Variants in TMEM132C observed in about 807,000 individuals in gnomAD.
TMEM132C encodes the protein protein phosphatase 1, regulatory subunit 152.
TMEM132C carries 29 observed loss-of-function variants against 61.4 expected under a neutral mutation model. The observed-to-expected ratio is 0.47, with a 90% confidence interval of 0.35 to 0.64. The LOEUF is 0.64. Among genes scored for constraint, TMEM132C ranks in the 30% least tolerant of loss-of-function variants. TMEM132C has a pLI of 0.00. For missense variants in TMEM132C, 1,408 were observed against 1,476.9 expected, an observed-to-expected ratio of 0.95 and a Z score of 0.76; for synonymous variants, 656 against 633.1, an observed-to-expected ratio of 1.04 and a Z score of -0.54.
At chr12:128,663,166 T>G (rs1954410025) in intron 4 of TMEM132C, among the ~76,000 whole-genome samples, 1 of 152,232 alleles carries the variant, frequency 6.6e-6, no homozygotes, top group Non-Finnish European at 1.5e-5. Context: ...TTTGCAAGGT[T>G]ATGAACCATC....
intron 2 of TMEM132C, among the ~76,000 whole-genome samples, chr12:128,475,730 C>G (rs139425998): frequency 3.1e-4 from 47 of 152,300 alleles, no homozygotes; most frequent in African/African-American, 1.0e-3. Flanking sequence ...TTGCTGGTCC[C>G]TTCATCTGTG....
chr12:128,272,115 T>C (rs1363573649), intron 1 of TMEM132C, among the ~76,000 whole-genome samples: 25 of 152,220 alleles, frequency 1.6e-4, no homozygotes, highest in Admixed American at 1.6e-3. Context: ...CACAGTCACG[T>C]AAACATCACT....
At chr12:128,565,731 T>G (rs1874670840) in intron 3 of TMEM132C, among the ~76,000 whole-genome samples, 1 of 152,086 alleles carries the variant, frequency 6.6e-6, no homozygotes, top group African/African-American at 2.4e-5. Flanking sequence ...AAACAAATGG[T>G]ATTCTATCTC....
chr12:128,705,156 A>C lies in TMEM132C; in HGVS notation c.2188A>C (p.Thr730Pro). The C allele has an allele frequency of 6.4e-7, 1 of 1,551,480 alleles. No homozygotes were observed. The highest frequency in any genetic ancestry group is 8.7e-7 in the Non-Finnish European group (1 of 1,146,928). ...TGTGACGCCCCTGGACATCTACGAC[A>C]CCAAGGACTTCTCCCTGGCAGCCAC... ...GSVTPLDIYD[T>P]KDFSLAATSQ... Residue 730 changes from threonine (T) to proline (P), a missense_variant, in exon 9 of 9, where the codon ACC becomes CCC. By Grantham distance (38) the Thr-to-Pro change is conservative. Transcript: ENST00000435159.
At position 128,575,306 on chromosome 12, in the gene TMEM132C, C is replaced by T. The variant is rs146124545; in HGVS notation, c.1121+31203C>T. On this transcript the variant is annotated intron_variant, in intron 3 of 8. Transcript: ENST00000435159. ...CCATCCTGGCCACCATGGTGAAACC[C>T]CATCTCTACTGAAAATACAAAAATT... 4.8e-3 allele frequency among the ~76,000 whole-genome samples: 729 copies of T among 152,232 alleles called. 9 individuals are homozygous for T. Among genetic ancestry groups the T allele is most frequent in the African/African-American group, 0.017 (705 of 41,558 alleles).
At chr12:128,388,558 C>T (rs533778116) in intron 1 of TMEM132C, among the ~76,000 whole-genome samples, 1 of 152,210 alleles carries the variant, frequency 6.6e-6, no homozygotes, top group Admixed American at 6.5e-5. Flanking sequence ...GACTGCTTCC[C>T]TGGAGAAGGT....
intron 2 of TMEM132C, among the ~76,000 whole-genome samples, chr12:128,480,160 T>TCC (rs1402624648): frequency 6.6e-6 from 1 of 152,172 alleles, no homozygotes; most frequent in African/African-American, 2.4e-5. Flanking sequence ...CTCTGGAAGC[T>TCC]GAGGTGCAAA....
chr12:128,529,571 G>A (rs1413621441), intron 2 of TMEM132C, among the ~76,000 whole-genome samples: 1 of 152,150 alleles, frequency 6.6e-6, no homozygotes, highest in Non-Finnish European at 1.5e-5. Flanking sequence ...ATCACCTGAG[G>A]TCAGGAGTTT....
At chr12:128,354,705 G>A (rs955714236) in intron 1 of TMEM132C, among the ~76,000 whole-genome samples, 16 of 152,094 alleles carry the variant, frequency 1.1e-4, no homozygotes, top group African/African-American at 3.4e-4. Context: ...TTGTCTTTCC[G>A]TGATTTACAC....
intron 1 of TMEM132C, chr12:128,400,202 C>T (rs1222413920): frequency 6.6e-6 from 1 of 152,288 alleles, no homozygotes; most frequent in Non-Finnish European, 1.5e-5. Flanking sequence ...GCGAGCTTCT[C>T]CCGGGCCCCT....
At chr12:128,504,610 C>T (rs1277471000) in intron 2 of TMEM132C, among the ~76,000 whole-genome samples, 1 of 152,084 alleles carries the variant, frequency 6.6e-6, no homozygotes, top group Non-Finnish European at 1.5e-5. Flanking sequence ...CACTTTCTCT[C>T]TGTGTCTTCA....
intron 4 of TMEM132C, among the ~76,000 whole-genome samples, chr12:128,640,608 T>C (rs1478485115): frequency 1.3e-5 from 2 of 152,190 alleles, no homozygotes; most frequent in African/African-American, 2.4e-5. Flanking sequence ...ATATTTTAAA[T>C]GAGTGAGCCA....
intron 1 of TMEM132C, among the ~76,000 whole-genome samples, chr12:128,294,580 A>C (rs1360759784): frequency 6.6e-6 from 1 of 152,198 alleles, no homozygotes; most frequent in Non-Finnish European, 1.5e-5. Flanking sequence ...GAAGCATCTA[A>C]ACAACAGGAA....
chr12:128,561,633 G>A (rs1185865738), intron 3 of TMEM132C, among the ~76,000 whole-genome samples: 2 of 152,326 alleles, frequency 1.3e-5, no homozygotes, highest in East Asian at 3.9e-4. Flanking sequence ...AAAGATGCAT[G>A]CCAAAAAGTA....
chr12:128,676,637 C>G (rs1471933852), intron 5 of TMEM132C, among the ~76,000 whole-genome samples: 3 of 152,192 alleles, frequency 2.0e-5, no homozygotes, highest in East Asian at 3.8e-4. Flanking sequence ...TTGTTAACCA[C>G]AAACTGTCTT....
intron 8 of TMEM132C, among the ~76,000 whole-genome samples, chr12:128,704,133 C>A (rs1259681815): frequency 6.6e-6 from 1 of 152,172 alleles, no homozygotes; most frequent in Non-Finnish European, 1.5e-5. Flanking sequence ...CAGTAGCTTC[C>A]CCTTTTTTTG....
intron 2 of TMEM132C, among the ~76,000 whole-genome samples, chr12:128,501,516 G>A (rs1341391635): frequency 1.3e-5 from 2 of 151,902 alleles, no homozygotes; most frequent in Admixed American, 1.3e-4. Context: ...ACCATTGTGT[G>A]CTGAGAAGAA....
chr12:128,290,361 A>G (rs1871210744), intron 1 of TMEM132C, among the ~76,000 whole-genome samples: 1 of 151,986 alleles, frequency 6.6e-6, no homozygotes, highest in Non-Finnish European at 1.5e-5. Context: ...TGAAGGGGGA[A>G]GTGCCACACT....
intron 3 of TMEM132C, among the ~76,000 whole-genome samples, chr12:128,576,783 ATTG>A (rs760541193): frequency 5.3e-5 from 8 of 152,158 alleles, no homozygotes; most frequent in South Asian, 2.1e-4. Context: ...GGTTGTCGAC[ATTG>A]TTGTTGTTGT....
Sources: gnomAD v4.1 joint callset for allele counts (sites outside exome capture counted in the v4.1 genomes callset) on GRCh38, gnomAD v4.1.1 for gene constraint, MANE v1.5 for transcripts, NCBI Gene and HGNC (gene_info 2026-07-23, HGNC 2026-07-21) for gene names.